The following FARP1 variants were observed in gnomAD, a reference collection of about 807,000 sequenced individuals.
FARP1 encodes FERM, ARH/RhoGEF and pleckstrin domain protein 1, also known as FERM, ARHGEF and pleckstrin domain-containing protein 1.
FARP1 carries 52 observed loss-of-function variants against 128.8 expected under a neutral mutation model. The observed-to-expected ratio is 0.40, with a 90% confidence interval of 0.32 to 0.51. The LOEUF is 0.51. Among genes scored for constraint, FARP1 ranks in the 20% least tolerant of loss-of-function variants. The pLI is 0.45. For missense variants in FARP1, 1,333 were observed against 1,367.9 expected (o/e 0.97, Z 0.40); for synonymous variants, 580 against 551.8 (o/e 1.05, Z -0.72).
At chr13:98,200,655 C>T (rs1879882456) in intron 1 of FARP1, among the ~76,000 whole-genome samples, 1 of 151,994 alleles carries the variant, frequency 6.6e-6, no homozygotes, top group Admixed American at 6.6e-5. Context: ...ATGTCAGGCT[C>T]CCAGGTAAGG....
At chr13:98,440,617 A>G in intron 23 of FARP1, 53 bp from the exon 24 acceptor site, 1 of 1,557,480 alleles carries the variant, frequency 6.4e-7, no homozygotes, top group South Asian at 1.2e-5. Context: ...GTGTATCAGG[A>G]AGGGGCGCTG....
intron 3 of FARP1, among the ~76,000 whole-genome samples, chr13:98,364,676 A>G (rs1889009530): frequency 6.6e-6 from 1 of 152,220 alleles, no homozygotes; most frequent in South Asian, 2.1e-4. Flanking sequence ...ATGAAATGGG[A>G]TGGTCAACTT....
chr13:98,379,594 A>G (rs1260251681), intron 6 of FARP1, among the ~76,000 whole-genome samples: 1 of 152,106 alleles, frequency 6.6e-6, no homozygotes. Context: ...TCCATGGGGT[A>G]TTGGCTGCAG....
At chr13:98,209,196 G>C (rs2139306099) in intron 1 of FARP1, among the ~76,000 whole-genome samples, 1 of 152,150 alleles carries the variant, frequency 6.6e-6, no homozygotes, top group Non-Finnish European at 1.5e-5. Context: ...TTTTAGTAGA[G>C]ACAGGGTTTC....
chr13:98,435,586 A>G lies in FARP1; in HGVS notation c.2154A>G (p.Ala718=), dbSNP rs778099501. The G allele has an allele frequency of 1.9e-6, 3 of 1,612,484 alleles. No homozygotes were observed. The highest frequency in any genetic ancestry group is 2.5e-6 in the Non-Finnish European group (3 of 1,179,034). The change falls in exon 19 of 27, where the codon GCA becomes GCG. Residue 718 remains alanine (A), a synonymous_variant. Coordinates refer to ENST00000319562, the MANE Select transcript of FARP1 (RefSeq NM_005766.4). ...GTCTTTCCTTCACAGCCGCTTTGGC[A>G]GAGATCACGGAGATGGTGGCACAGC... ...ADFRDCRAAL[A]EITEMVAQLH... is the part of the protein sequence containing the mutation.
rs549931556 is a variant in FARP1, at chr13:98,439,144, C to A, written c.2381C>A (p.Thr794Lys). 22 of 1,613,778 alleles carry A rather than the reference C, an allele frequency of 1.4e-5. No homozygotes were observed. The highest frequency in any genetic ancestry group is 1.8e-5 in the Non-Finnish European group (21 of 1,179,874). ...CTGCTATACACGAGCCGGGGGCTGA[C>A]GGCCTCCAATCAGTTTAAAGTCCAC... The part of the protein sequence containing the change: ...DVLLYTSRGL[T>K]ASNQFKVHGQ... The change falls in exon 21 of 27, where the codon ACG (threonine) becomes AAG (lysine). Residue 794 changes from threonine to lysine, a missense_variant. Coordinates refer to ENST00000319562, the MANE Select transcript of FARP1 (RefSeq NM_005766.4).
chr13:98,374,314 C>A (rs1376865554), intron 5 of FARP1, among the ~76,000 whole-genome samples: 2 of 152,162 alleles, frequency 1.3e-5, no homozygotes, highest in Non-Finnish European at 2.9e-5. Context: ...ATCACAGCTA[C>A]TCTGGAGGCT....
At chr13:98,275,435 G>A (rs983499151) in intron 2 of FARP1, among the ~76,000 whole-genome samples, 8 of 150,908 alleles carry the variant, frequency 5.3e-5, no homozygotes, top group Non-Finnish European at 1.2e-4. Flanking sequence ...GCCATGAGTT[G>A]ATGATTGTTG....
chr13:98,281,695 G>T (rs1160606604), intron 2 of FARP1, among the ~76,000 whole-genome samples: 1 of 152,206 alleles, frequency 6.6e-6, no homozygotes, highest in African/African-American at 2.4e-5. Context: ...CAACATTAAT[G>T]ATGAGTCTTT....
chr13:98,164,125 TTACTTTTAATGAAGAGTTTACC>T (rs1348547711), intron 1 of FARP1, among the ~76,000 whole-genome samples: 4 of 152,314 alleles, frequency 2.6e-5, no homozygotes. Flanking sequence ...TGTGAATGCC[TTACTTTTAATGAAGAGTTTACC>T]TAATAGCATG....
At chr13:98,433,426 G>A (rs1286597331) in intron 18 of FARP1, 2 of 152,202 alleles carry the variant, frequency 1.3e-5, no homozygotes, top group African/African-American at 2.4e-5. Flanking sequence ...TTGACCATCT[G>A]TCTTTAAAAC....
At chr13:98,445,324 T>C (rs1892756074) in intron 24 of FARP1, 1 of 152,264 alleles carries the variant, frequency 6.6e-6, no homozygotes, top group South Asian at 2.1e-4. Flanking sequence ...GCTGGTGATG[T>C]CACTTTGGCA....
chr13:98,376,790 A>T (rs1293679753), intron 5 of FARP1, among the ~76,000 whole-genome samples: 1 of 141,696 alleles, frequency 7.1e-6, no homozygotes, highest in Non-Finnish European at 1.5e-5. Flanking sequence ...GCCACATCCA[A>T]GCATTTGTTA....
At chr13:98,419,463 ACT>A (rs1566306546) in intron 16 of FARP1, among the ~76,000 whole-genome samples, 2 of 146,316 alleles carry the variant, frequency 1.4e-5, no homozygotes, top group South Asian at 4.4e-4. Context: ...GACAGACGAG[ACT>A]CTGTCTCCAA....
intron 2 of FARP1, among the ~76,000 whole-genome samples, chr13:98,246,384 C>T (rs1237578104): frequency 2.0e-5 from 3 of 151,948 alleles, no homozygotes; most frequent in East Asian, 1.9e-4. Context: ...TGAGCCACCG[C>T]GCCCAGCCCC....
intron 2 of FARP1, among the ~76,000 whole-genome samples, chr13:98,285,097 A>C (rs1419461352): frequency 6.6e-6 from 1 of 152,190 alleles, no homozygotes; most frequent in Non-Finnish European, 1.5e-5. Flanking sequence ...CTAAAAGGTA[A>C]TGCTGCAGTG....
intron 3 of FARP1, among the ~76,000 whole-genome samples, chr13:98,359,420 C>T (rs1198080450): frequency 6.6e-6 from 1 of 152,118 alleles, no homozygotes; most frequent in Non-Finnish European, 1.5e-5. Context: ...TTATGAAATC[C>T]ACCTAAAACA....
chr13:98,195,157 C>G (rs2060588142), intron 1 of FARP1, among the ~76,000 whole-genome samples: 1 of 152,160 alleles, frequency 6.6e-6, no homozygotes. Flanking sequence ...TCAACAGTTA[C>G]AGGAATAGAG....
chr13:98,373,188 G>A (rs1200318857), intron 5 of FARP1, among the ~76,000 whole-genome samples: 1 of 152,142 alleles, frequency 6.6e-6, no homozygotes, highest in South Asian at 2.1e-4. Context: ...CGCAGCCCAT[G>A]TGTGATTGTC....
Sources: allele counts gnomAD v4.1 joint callset (sites outside exome capture counted in the v4.1 genomes callset), GRCh38; gene constraint gnomAD v4.1.1; transcripts MANE v1.5; gene names NCBI Gene and HGNC (gene_info 2026-07-23, HGNC 2026-07-21).